Variants in MKLN1 observed in about 807,000 individuals in gnomAD.
MKLN1 encodes muskelin.
In MKLN1, 18 loss-of-function variants were observed where a neutral mutation model predicts 99.0. The observed-to-expected ratio is 0.18, with a 90% CI of 0.13 to 0.27. MKLN1 has a LOEUF of 0.27. Among genes scored for constraint, MKLN1 ranks in the 10% least tolerant of loss-of-function variants. The probability of loss-of-function intolerance (pLI) is 1.00; values close to 1 mark genes in which losing one functional copy is unlikely to be tolerated. For synonymous variants in MKLN1, 288 were observed against 293.2 expected, an observed-to-expected ratio of 0.98 and a Z score of 0.18; for missense variants, 621 against 875.9, an observed-to-expected ratio of 0.71 and a Z score of 3.67.
In MKLN1 at chr7:131,238,855, T is replaced by C. The variant is rs534871011; in HGVS notation, c.-179+35881T>C. On this transcript the variant is annotated intron_variant, in intron 3 of 7. Coordinates refer to the MKLN1 transcript ENST00000416992. ...CCTGCTAACAGACAGGGAGAGAACA[T>C]GGAGGATTGTGTGGGGAGGTTTTTA... Among the ~76,000 whole-genome samples, 6 of 152,296 alleles carry C rather than the reference T, an allele frequency of 3.9e-5. No individual in the cohort carries two copies. In the South Asian group the frequency reaches 1.2e-3, roughly 32 times the overall value.
At chr7:131,348,023 T>TA (rs1425816838) in intron 1 of MKLN1, among the ~76,000 whole-genome samples, 1 of 152,244 alleles carries the variant, frequency 6.6e-6, no homozygotes, top group Non-Finnish European at 1.5e-5. Flanking sequence ...AGCTCTAAGA[T>TA]ACATAAGTGT....
chr7:131,281,716 C>T (rs1264141652), intron 3 of MKLN1, among the ~76,000 whole-genome samples: 1 of 150,868 alleles, frequency 6.6e-6, no homozygotes, highest in Non-Finnish European at 1.5e-5. Context: ...CAGTCTTGCT[C>T]TGTCACCCAG....
chr7:131,403,087 A>G (rs1482578394), intron 6 of MKLN1, among the ~76,000 whole-genome samples: 3 of 152,168 alleles, frequency 2.0e-5, no homozygotes, highest in African/African-American at 7.2e-5. Flanking sequence ...ATAGAAGTCT[A>G]TTGGAATGTT....
chr7:131,160,022 A>C (rs1325755814), intron 2 of MKLN1, among the ~76,000 whole-genome samples: 1 of 152,042 alleles, frequency 6.6e-6, no homozygotes, highest in Non-Finnish European at 1.5e-5. Context: ...TAGCTCCAGA[A>C]CACTTCCGTC....
chr7:131,337,134 G>C (rs1319736474), intron 1 of MKLN1, among the ~76,000 whole-genome samples: 3 of 152,078 alleles, frequency 2.0e-5, no homozygotes, highest in Non-Finnish European at 2.9e-5. Context: ...TTGTTCAGCT[G>C]CCTTTCTTTT....
chr7:131,317,393 A>G (rs1015875377), intron 3 of MKLN1, among the ~76,000 whole-genome samples: 6 of 152,152 alleles, frequency 3.9e-5, no homozygotes, highest in African/African-American at 1.4e-4. Context: ...TCCTTCCCAA[A>G]CAGGCAAATG....
chr7:131,169,051 A>AG (rs1262831704), intron 2 of MKLN1, among the ~76,000 whole-genome samples: 1 of 152,096 alleles, frequency 6.6e-6, no homozygotes, highest in Non-Finnish European at 1.5e-5. Flanking sequence ...TATTTTTAGT[A>AG]AGACGGGTTT....
intron 1 of MKLN1, among the ~76,000 whole-genome samples, chr7:131,356,532 G>A (rs1160311985): frequency 6.6e-6 from 1 of 152,138 alleles, no homozygotes; most frequent in Non-Finnish European, 1.5e-5. Context: ...AGGGGCAGTG[G>A]TGGTTCTATG....
At chr7:131,113,218 G>A (rs144856970) in intron 1 of MKLN1, among the ~76,000 whole-genome samples, 1,827 of 152,310 alleles carry the variant, frequency 0.012, 34 homozygotes, top group African/African-American at 0.042. Flanking sequence ...CGTTCTGAAG[G>A]ATAAGTAGAA....
chr7:131,226,492 A>G (rs1326005738), intron 3 of MKLN1, among the ~76,000 whole-genome samples: 1 of 152,256 alleles, frequency 6.6e-6, no homozygotes, highest in Non-Finnish European at 1.5e-5. Flanking sequence ...TTAAGCCATC[A>G]GGATCCAGTT....
At position 131,456,071 on chromosome 7, in the gene MKLN1, A is replaced by T. The variant is rs116910710; in HGVS notation, c.1526-7146A>T. Among the ~76,000 whole-genome samples, 313 of 152,172 alleles carry T rather than the reference A, an allele frequency of 2.1e-3. 7 individuals are homozygous for T. In the East Asian group the frequency reaches 0.043, roughly 21 times the overall value. On this transcript the variant is annotated intron_variant, in intron 12 of 17. Transcript: ENST00000352689. Reference sequence around the variant, plus strand: ...CAAACCAAAAAAAAAAGAGAAAAGAAACTGTTAAAAATTGAAAAGATAGCC... The same window carrying T: ...CAAACCAAAAAAAAAAGAGAAAAGATACTGTTAAAAATTGAAAAGATAGCC...
chr7:131,430,810 C>CA (rs1795501121), intron 9 of MKLN1, among the ~76,000 whole-genome samples: 1 of 152,140 alleles, frequency 6.6e-6, no homozygotes, highest in Non-Finnish European at 1.5e-5. Context: ...CACCTATAAT[C>CA]ACAGTACTTT....
chr7:131,408,551 C>T (rs550114682), intron 6 of MKLN1, among the ~76,000 whole-genome samples: 1 of 152,156 alleles, frequency 6.6e-6, no homozygotes, highest in East Asian at 1.9e-4. Context: ...CTTTTTAATT[C>T]TGGGCAAGAG....
At chr7:131,177,598 T>C (rs2116349992) in intron 2 of MKLN1, among the ~76,000 whole-genome samples, 1 of 152,292 alleles carries the variant, frequency 6.6e-6, no homozygotes, top group Admixed American at 6.5e-5. Context: ...ATCATTATAG[T>C]TGTCTATATT....
rs911805326 is a variant in MKLN1 at position 131,243,009 on chromosome 7, C to T, written c.-179+40035C>T. ...CCAGAAGCTGCGGTTTTAGATGCTT[C>T]GTTTTGGTCATTAAAAATTAAACAG... On this transcript the variant is annotated intron_variant, in intron 3 of 7. Transcript: ENST00000416992. 8.4e-5 allele frequency: 48 copies of T among 573,274 alleles called. 1 individual carries two copies. The highest frequency in any genetic ancestry group is 3.1e-4 in the South Asian group (21 of 67,372). The allele number at this position is 573,274 out of a possible 1,614,324, so 35.5% of individuals were successfully genotyped here.
chr7:131,456,249 A>T (rs1041374179), intron 12 of MKLN1, among the ~76,000 whole-genome samples: 4 of 152,010 alleles, frequency 2.6e-5, no homozygotes, highest in African/African-American at 9.7e-5. Context: ...TTATTATTAT[A>T]ATTATTATAA....
At chr7:131,164,395 G>A (rs1196776591) in intron 2 of MKLN1, among the ~76,000 whole-genome samples, 1 of 152,112 alleles carries the variant, frequency 6.6e-6, no homozygotes, top group Non-Finnish European at 1.5e-5. Flanking sequence ...GATTACAGGT[G>A]TGTGCTGCCA....
intron 3 of MKLN1, among the ~76,000 whole-genome samples, chr7:131,313,953 G>A (rs1377990884): frequency 6.6e-6 from 1 of 152,188 alleles, no homozygotes; most frequent in African/African-American, 2.4e-5. Flanking sequence ...AACTCCATGG[G>A]ACTGGGCTAT....
rs1294715662 is a variant in MKLN1 at position 131,488,836 on chromosome 7, G to C, written c.*1108G>C. On this transcript the variant is annotated 3_prime_UTR_variant, in exon 18 of 18. Coordinates refer to ENST00000352689, the MANE Select transcript of MKLN1 (RefSeq NM_013255.5). ...ATTAAGCACATAGACCAGACTTTGT[G>C]AATGGTTCAGATATTTTTTCATTAA... The C allele has an allele frequency of 6.6e-6, 1 of 152,150 alleles. No homozygotes were observed. The highest frequency in any genetic ancestry group is 1.5e-5 in the Non-Finnish European group (1 of 68,018). 9.4% of individuals were successfully genotyped at this position (152,150 alleles called of 1,614,324 possible).
Sources: allele counts gnomAD v4.1 joint callset (sites outside exome capture counted in the v4.1 genomes callset), GRCh38; gene constraint gnomAD v4.1.1; transcripts MANE v1.5; gene names NCBI Gene and HGNC (gene_info 2026-07-23, HGNC 2026-07-21).